Variants in TPR observed in about 807,000 individuals in gnomAD.
TPR encodes the protein translocated promoter region, nuclear basket protein, also known as nucleoprotein TPR.
Under a neutral mutation model 316.1 loss-of-function variants are expected in TPR, and 51 were observed. That is an observed-to-expected ratio of 0.16 (90% CI 0.13 to 0.20). TPR has a LOEUF of 0.20. Ranked by LOEUF, TPR falls within the 10% of genes least tolerant of loss-of-function variation. The pLI is 1.00. For missense variants in TPR, 2,272 were observed against 2,754.8 expected, an observed-to-expected ratio of 0.82 and a Z score of 3.92; for synonymous variants, 981 against 914.7, an observed-to-expected ratio of 1.07 and a Z score of -1.31.
rs760576691 is a variant in TPR at position 186,346,158 on chromosome 1, C to T, written c.3073G>A (p.Ala1025Thr). 2 of 1,612,520 alleles carry T rather than the reference C, an allele frequency of 1.2e-6. No homozygotes were observed. The highest frequency in any genetic ancestry group is 1.1e-5 in the South Asian group (1 of 90,938). ...KQELQDDKRR[A>T]IESMEQQLSE... Reference sequence around the variant, plus strand: ...ACCTGTTGTTCCATGCTCTCTATGGCTCTTCTTTTATCATCCTGAAGTTCT... The same window carrying T: ...ACCTGTTGTTCCATGCTCTCTATGGTTCTTCTTTTATCATCCTGAAGTTCT... The change falls in exon 23 of 51, where the codon GCC becomes ACC. Residue 1025 changes from alanine (A) to threonine (T), a missense_variant. Ala to Thr is a moderately conservative substitution (Grantham distance 58, BLOSUM62 0). Transcript: ENST00000367478.
chr1:186,332,235 A>C lies in TPR; in HGVS notation c.5564T>G (p.Leu1855Arg), dbSNP rs1658187560. 3 of 1,612,086 alleles carry C rather than the reference A, an allele frequency of 1.9e-6. No homozygotes were observed. The highest frequency in any genetic ancestry group is 2.7e-5 in the African/African-American group (2 of 74,958). The change falls in exon 38 of 51, where the codon CTT becomes CGT. Residue 1855 changes from leucine to arginine, a missense_variant. Leu to Arg is a moderately radical substitution (Grantham distance 102, BLOSUM62 -2). Transcript: ENST00000367478. ...TGTGACACTTTTCAACTTCTTTGGAAGAGGCATTTCCACTGTATCATCAGA... is the reference window on the plus strand; with the variant it reads ...TGTGACACTTTTCAACTTCTTTGGACGAGGCATTTCCACTGTATCATCAGA... Reference protein sequence around the residue: ...QVSDDTVEMPLPKKLKSVTPV... With the variant: ...QVSDDTVEMPRPKKLKSVTPV...
rs771173272 is a variant in TPR, at chr1:186,343,926, T to C, written c.3582A>G (p.Glu1194=). ...TTTACCTGAGAATTTCCAAAATTTGTTCTTGAGATTTTCCTTCTTCACTGA... is the reference window on the plus strand; with the variant it reads ...TTTACCTGAGAATTTCCAAAATTTGCTCTTGAGATTTTCCTTCTTCACTGA... ...VSLSEEGKSQ[E]QILEILRFIR... The change falls in exon 26 of 51, where the codon GAA becomes GAG. Residue 1194 remains glutamate, a synonymous_variant. Transcript: ENST00000367478. 6 of 1,613,282 alleles carry C rather than the reference T, an allele frequency of 3.7e-6. No homozygotes were observed. The African/African-American group carries it at 5.3e-5, about 14-fold the overall frequency.
intron 21 of TPR, 136 bp from the exon 22 acceptor site, chr1:186,347,594 T>C: frequency 1.1e-6 from 1 of 877,540 alleles, no homozygotes; most frequent in Non-Finnish European, 1.6e-6. Context: ...CCATGCCGAA[T>C]ACCAAAATAA....
chr1:186,337,162 A>G lies in TPR; in HGVS notation c.4363-6T>C. On this transcript the variant is annotated splice_region_variant and splice_polypyrimidine_tract_variant and intron_variant, in intron 31 of 50. Transcript: ENST00000367478. ...TGAGCCGATGTCTCCATAACCTAAG[A>G]CAACAAACAGTAATAATACACTCAC... The G allele has an allele frequency of 6.2e-7, 1 of 1,611,952 alleles. No individual in the cohort carries two copies. Among genetic ancestry groups the G allele is most frequent in the Non-Finnish European group, 8.5e-7 (1 of 1,178,850 alleles).
rs1239131123 is a variant in TPR at position 186,325,790 on chromosome 1, T to G, written c.6086A>C (p.His2029Pro). ...ACTGTTTTGAGAATCAGCAGCTCTG[T>G]GATTACCTTCACCTCCACCCATACT... ...EESMGGGEGN[H>P]RAADSQNSGE... The change falls in exon 42 of 51, where the codon CAC becomes CCC. Residue 2029 changes from histidine (H) to proline (P), a missense_variant. This residue lies in a region of TPR where 435 missense variants were observed against 461.1 expected (regional missense o/e 0.94). Transcript: ENST00000367478. 6.2e-7 allele frequency: 1 copy of G among 1,613,628 alleles called. No individual in the cohort carries two copies. Among genetic ancestry groups the G allele is most frequent in the Admixed American group, 1.7e-5 (1 of 59,994 alleles).
chr1:186,372,083 T>C (rs989782670), intron 2 of TPR, among the ~76,000 whole-genome samples: 2 of 152,220 alleles, frequency 1.3e-5, no homozygotes, highest in African/African-American at 4.8e-5. Flanking sequence ...TGTATGCATA[T>C]ACATTACGTT....
chr1:186,327,235 T>TA lies in TPR; in HGVS notation c.5889+224_5889+225insT, dbSNP rs1491585224. Among the ~76,000 whole-genome samples, 107 of 21,644 alleles carry TA rather than the reference T, an allele frequency of 4.9e-3. 42 individuals are homozygous for TA. In the East Asian group the frequency reaches 0.051, roughly 10 times the overall value. The allele number at this position is 21,644 out of a possible 152,430, so 14.2% of individuals were successfully genotyped here. On this transcript the variant is annotated intron_variant, in intron 40 of 50. Transcript: ENST00000367478. Reference sequence around the variant, plus strand: ...AATATATATAAATATATAATATATATTTATATATATAATATATATAAATAT... The same window carrying TA: ...AATATATATAAATATATAATATATATATTATATATATAATATATATAAATAT...
intron 38 of TPR, 137 bp downstream of exon 38, chr1:186,332,058 T>G (rs1290914479): frequency 2.3e-6 from 2 of 875,418 alleles, no homozygotes; most frequent in Non-Finnish European, 3.3e-6. Context: ...GTGGAATCTT[T>G]GTAGAAAGTT....
intron 39 of TPR, among the ~76,000 whole-genome samples, chr1:186,329,046 A>G (rs948962275): frequency 1.3e-5 from 2 of 152,236 alleles, no homozygotes; most frequent in African/African-American, 4.8e-5. Flanking sequence ...CTTATTTCAG[A>G]AAAAGCAACA....
chr1:186,347,462 A>C lies in TPR; in HGVS notation c.2777-4T>G, dbSNP rs1558016722. 1 of 1,613,394 alleles carries C rather than the reference A, an allele frequency of 6.2e-7. No homozygotes were observed. Among genetic ancestry groups the C allele is most frequent in the Non-Finnish European group, 8.5e-7 (1 of 1,179,764 alleles). On this transcript the variant is annotated splice_polypyrimidine_tract_variant and splice_region_variant and intron_variant, in intron 21 of 50. Transcript: ENST00000367478. ...TCTTCTTTGTTGCTAGGCTGACCTAAAAGACATAACAGCTCTGTTAAAATT... is the reference window on the plus strand; with the variant it reads ...TCTTCTTTGTTGCTAGGCTGACCTACAAGACATAACAGCTCTGTTAAAATT...
Position 186,327,503 on chromosome 1 carries a change from T to A in TPR, c.5846A>T (p.Asp1949Val). The change falls in exon 40 of 51, where the codon GAT becomes GTT. Residue 1949 changes from aspartate to valine, a missense_variant. By Grantham distance (152) the Asp-to-Val change is radical (BLOSUM62 -3). Transcript: ENST00000367478. ...TTCATCATCATCCTCTTCTTCATCATCACTGTCAATTACAATGACATCATC... is the reference window on the plus strand; with the variant it reads ...TTCATCATCATCCTCTTCTTCATCAACACTGTCAATTACAATGACATCATC... ...KGDDVIVIDS[D>V]DEEEDDDEND... The A allele has an allele frequency of 6.2e-7, 1 of 1,610,868 alleles. No homozygotes were observed. The highest frequency in any genetic ancestry group is 8.5e-7 in the Non-Finnish European group (1 of 1,179,374).
At position 186,331,481 on chromosome 1, in the gene TPR, G is replaced by A; in HGVS notation, c.5688+17C>T. On this transcript the variant is annotated intron_variant, in intron 39 of 50. Coordinates refer to ENST00000367478, the MANE Select transcript of TPR (RefSeq NM_003292.3). ...CGAAAAGCAACGGTGTGGTACTTTAGGTATGTTTTTACTTACTTCTCCAAT... is the reference window on the plus strand; with the variant it reads ...CGAAAAGCAACGGTGTGGTACTTTAAGTATGTTTTTACTTACTTCTCCAAT... 2.5e-6 allele frequency: 4 copies of A among 1,577,636 alleles called. No homozygotes were observed. Among genetic ancestry groups the A allele is most frequent in the Non-Finnish European group, 3.5e-6 (4 of 1,153,386 alleles).
Position 186,346,276 on chromosome 1 carries a change from T to C in TPR, c.2955A>G (p.Glu985=). The change falls in exon 23 of 51, where the codon GAA becomes GAG. Residue 985 remains glutamate, a synonymous_variant. Coordinates refer to ENST00000367478, the MANE Select transcript of TPR (RefSeq NM_003292.3). ...AACGAACTTCAATATTCTTACGCAC[T>C]TCTTCTGTCACCTTTACCATATTAC... The part of the protein sequence containing the change: ...SLNKEKQVTE[E]VRKNIEVRLK... The C allele has an allele frequency of 1.9e-6, 3 of 1,612,470 alleles. No individual in the cohort carries two copies. In the South Asian group the frequency reaches 3.3e-5, roughly 18 times the overall value.
At chr1:186,316,821 AGT>A (rs989891762) in intron 49 of TPR, among the ~76,000 whole-genome samples, 3 of 152,240 alleles carry the variant, frequency 2.0e-5, no homozygotes, top group African/African-American at 7.2e-5. Flanking sequence ...AGGAAATATA[AGT>A]AAAGGGCTCA....
intron 18 of TPR, among the ~76,000 whole-genome samples, chr1:186,352,813 C>CA (rs1658905330): frequency 6.6e-6 from 1 of 152,088 alleles, no homozygotes; most frequent in African/African-American, 2.4e-5. Context: ...CCAAAATAGG[C>CA]AAATTATACA....
At chr1:186,347,496 C>T in intron 21 of TPR, 38 bp from the exon 22 acceptor site, 1 of 1,601,252 alleles carries the variant, frequency 6.2e-7, no homozygotes, top group Non-Finnish European at 8.5e-7. Context: ...TTAACATTTT[C>T]AATAGTATTA....
chr1:186,335,166 C>T (rs3817586), intron 34 of TPR, 37 bp from the exon 35 acceptor site: 165,649 of 1,582,326 alleles, frequency 0.1, 11,183 homozygotes, highest in East Asian at 0.4. Flanking sequence ...GTTCCTAGCC[C>T]ACAAGAGTCC....
At chr1:186,324,705 T>G (rs931389175) in intron 42 of TPR, among the ~76,000 whole-genome samples, 19 of 152,142 alleles carry the variant, frequency 1.2e-4, no homozygotes, top group Non-Finnish European at 1.5e-4. Flanking sequence ...AATACAAGTG[T>G]AGTTGCTTGA....
At chr1:186,322,169 C>T in intron 45 of TPR, 149 bp downstream of exon 45, 2 of 687,010 alleles carry the variant, frequency 2.9e-6, no homozygotes, top group Non-Finnish European at 4.8e-6. Flanking sequence ...CCCAACAATA[C>T]ATCCTCAACT....
Sources: gnomAD v4.1 joint callset for allele counts (sites outside exome capture counted in the v4.1 genomes callset) on GRCh38, gnomAD v4.1.1 for gene constraint, gnomAD v4.1.1 regional missense constraint, MANE v1.5 for transcripts, NCBI Gene and HGNC (gene_info 2026-07-23, HGNC 2026-07-21) for gene names.